PIEZO2: variants seen among roughly 807,000 people sequenced by gnomAD.
PIEZO2 encodes piezo-type mechanosensitive ion channel component 2.
PIEZO2 carries 172 observed loss-of-function variants against 337.3 expected under a neutral mutation model. The ratio of observed to expected loss-of-function variants is 0.51; its 90% CI spans 0.45 to 0.58. The LOEUF is 0.58. Among genes scored for constraint, PIEZO2 ranks in the 20% least tolerant of loss-of-function variants. The pLI is 0.00. For missense variants in PIEZO2, 3,028 were observed against 3,391.3 expected, an observed-to-expected ratio of 0.89 and a Z score of 2.66; for synonymous variants, 1,251 against 1,228.5, an observed-to-expected ratio of 1.02 and a Z score of -0.38.
intron 7 of PIEZO2, among the ~76,000 whole-genome samples, chr18:10,838,067 T>C (rs1046942419): frequency 7.2e-5 from 11 of 152,178 alleles, no homozygotes; most frequent in Admixed American, 5.2e-4. Context: ...TCCTCCATGT[T>C]ACACAAGCGT....
chr18:10,862,011 C>T lies in PIEZO2; in HGVS notation c.493-4800G>A, dbSNP rs527726924. Among the ~76,000 whole-genome samples the T allele has an allele frequency of 1.7e-4, 25 of 148,106 alleles. No individual in the cohort carries two copies. The highest frequency in any genetic ancestry group is 1.1e-3 in the South Asian group (5 of 4,760). On this transcript the variant is annotated intron_variant, in intron 5 of 55. Transcript: ENST00000674853. This position sits in a 1 kb window ranked among gnomAD's most constrained non-coding sequence, Gnocchi z 4.4. ...CCAGCCTAGGTGACAGAATGAGACT[C>T]AATCTCAAAAAAAAAATTAATAAAT...
At chr18:10,924,695 T>C (rs1369694880) in intron 3 of PIEZO2, among the ~76,000 whole-genome samples, 2 of 152,248 alleles carry the variant, frequency 1.3e-5, no homozygotes, top group Non-Finnish European at 2.9e-5. Flanking sequence ...TTCATTTTTC[T>C]TATTTGCCAT....
rs145216692 is a variant in PIEZO2, at chr18:10,901,310, C to T, written c.329+9876G>A. ...GAGACCCTCAGGGTTTTCTTTGAGCCTCAGGATTTTCTCTCTGGGCTTTCT... is the reference window on the plus strand; with the variant it reads ...GAGACCCTCAGGGTTTTCTTTGAGCTTCAGGATTTTCTCTCTGGGCTTTCT... On this transcript the variant is annotated intron_variant, in intron 4 of 55. Coordinates refer to ENST00000674853, the MANE Select transcript of PIEZO2 (RefSeq NM_001378183.1). 5.0e-3 allele frequency among the ~76,000 whole-genome samples: 760 copies of T among 152,226 alleles called. 5 individuals are homozygous for T. Among genetic ancestry groups the T allele is most frequent in the African/African-American group, 0.016 (670 of 41,522 alleles).
chr18:10,750,467 T>C lies in PIEZO2; in HGVS notation c.4168-280A>G, dbSNP rs1051763821. 6.6e-6 allele frequency among the ~76,000 whole-genome samples: 1 copy of C among 152,226 alleles called. No individual in the cohort carries two copies. On this transcript the variant is annotated intron_variant, in intron 28 of 55. Coordinates refer to ENST00000674853, the MANE Select transcript of PIEZO2 (RefSeq NM_001378183.1). This position sits in a 1 kb window ranked among gnomAD's most constrained non-coding sequence, Gnocchi z 4.1. ...ATCAAGAAGAAATCTTGGACGATCA[T>C]AGAAATAAATCCCAACTCTGTGATA...
chr18:11,082,714 T>C (rs1316341243), intron 1 of PIEZO2, among the ~76,000 whole-genome samples: 1 of 152,252 alleles, frequency 6.6e-6, no homozygotes, highest in East Asian at 1.9e-4. Flanking sequence ...TATATGTGTG[T>C]ATGTGTGAGT....
intron 7 of PIEZO2, among the ~76,000 whole-genome samples, chr18:10,851,043 G>A (rs989733294): frequency 1.3e-5 from 2 of 152,094 alleles, no homozygotes; most frequent in African/African-American, 2.4e-5. Flanking sequence ...AGAAGGGCTG[G>A]AGTCTCCGTG....
At position 10,973,179 on chromosome 18, in the gene PIEZO2, C is replaced by T. The variant is rs538593495; in HGVS notation, c.286+6356G>A. Among the ~76,000 whole-genome samples, 1 of 152,200 alleles carries T rather than the reference C, an allele frequency of 6.6e-6. No individual in the cohort carries two copies. Among genetic ancestry groups the T allele is most frequent in the Non-Finnish European group, 1.5e-5 (1 of 68,032 alleles). ...CTAAAGGTGAATCAAAATATCAACA[C>T]GGCATTGGCCTAAGGGTTGTTCATA... On this transcript the variant is annotated intron_variant, in intron 3 of 55. Coordinates refer to ENST00000674853, the MANE Select transcript of PIEZO2 (RefSeq NM_001378183.1). The surrounding 1 kb of genome is among the most constrained non-coding windows in gnomAD (Gnocchi z 4.9).
intron 4 of PIEZO2, among the ~76,000 whole-genome samples, chr18:10,875,366 C>T (rs774776970): frequency 1.3e-5 from 2 of 151,836 alleles, no homozygotes; most frequent in Non-Finnish European, 2.9e-5. Flanking sequence ...GTCTACCTAA[C>T]ATGATTGAAA....
chr18:10,940,354 T>C lies in PIEZO2; in HGVS notation c.287-29126A>G, dbSNP rs766698591. On this transcript the variant is annotated intron_variant, in intron 3 of 55. Coordinates refer to ENST00000674853, the MANE Select transcript of PIEZO2 (RefSeq NM_001378183.1). This position sits in a 1 kb window ranked among gnomAD's most constrained non-coding sequence, Gnocchi z 5.3. ...GTTAAGTACAGTGATTCTGTAAAAG[T>C]ACTGGGTCTAGATACTGATTTCACA... Among the ~76,000 whole-genome samples, 15 of 152,178 alleles carry C rather than the reference T, an allele frequency of 9.9e-5. No individual in the cohort carries two copies. The highest frequency in any genetic ancestry group is 1.8e-4 in the Non-Finnish European group (12 of 68,028).
In PIEZO2 at chr18:10,859,683, A is replaced by C. The variant is rs2041822263; in HGVS notation, c.493-2472T>G. On this transcript the variant is annotated intron_variant, in intron 5 of 55. Transcript: ENST00000674853. This position sits in a 1 kb window ranked among gnomAD's most constrained non-coding sequence, Gnocchi z 4.9. ...CACTCCAGCAGAGTGGGCTGGACTC[A>C]CCATTCCATTTAGAGTAAAAATGCT... 6.6e-6 allele frequency among the ~76,000 whole-genome samples: 1 copy of C among 152,212 alleles called. No individual in the cohort carries two copies. Among genetic ancestry groups the C allele is most frequent in the African/African-American group, 2.4e-5 (1 of 41,462 alleles).
intron 4 of PIEZO2, among the ~76,000 whole-genome samples, chr18:10,885,990 A>G (rs763484292): frequency 1.6e-4 from 24 of 152,110 alleles, no homozygotes; most frequent in Non-Finnish European, 2.8e-4. Context: ...GCAAAGAATC[A>G]AGAAGAAAAT....
At chr18:10,838,539 A>G (rs2041091719) in intron 7 of PIEZO2, among the ~76,000 whole-genome samples, 1 of 152,252 alleles carries the variant, frequency 6.6e-6, no homozygotes, top group African/African-American at 2.4e-5. Flanking sequence ...GCCTTATAAT[A>G]AAAAGCAATC....
chr18:10,942,240 G>A lies in PIEZO2; in HGVS notation c.287-31012C>T, dbSNP rs1408680057. Reference sequence around the variant, plus strand: ...AAAAGATATCCCAAAATGTGAAAGCGATTTTGGAACTGGGTAACATGCAGA... The same window carrying A: ...AAAAGATATCCCAAAATGTGAAAGCAATTTTGGAACTGGGTAACATGCAGA... On this transcript the variant is annotated intron_variant, in intron 3 of 55. Coordinates refer to ENST00000674853, the MANE Select transcript of PIEZO2 (RefSeq NM_001378183.1). The surrounding 1 kb of genome is among the most constrained non-coding windows in gnomAD (Gnocchi z 4.4). 6.6e-6 allele frequency among the ~76,000 whole-genome samples: 1 copy of A among 152,184 alleles called. No homozygotes were observed. Among genetic ancestry groups the A allele is most frequent in the Non-Finnish European group, 1.5e-5 (1 of 68,032 alleles).
rs150963087 is a variant in PIEZO2 at position 10,881,976 on chromosome 18, C to A, written c.330-10561G>T. Among the ~76,000 whole-genome samples the A allele has an allele frequency of 5.9e-5, 9 of 152,316 alleles. No homozygotes were observed. In the East Asian group the frequency reaches 1.7e-3, roughly 29 times the overall value. On this transcript the variant is annotated intron_variant, in intron 4 of 55. Transcript: ENST00000674853. ...CATCATCCCAGGACAGTGACAGAGT[C>A]ATTCCAACATCCAGATCTCTGCTGA...
At chr18:10,987,887 A>G (rs1290581596) in intron 2 of PIEZO2, among the ~76,000 whole-genome samples, 1 of 152,190 alleles carries the variant, frequency 6.6e-6, no homozygotes, top group Non-Finnish European at 1.5e-5. Flanking sequence ...GGACCTGAAT[A>G]GATATTTCTC....
At chr18:10,812,572 G>C (rs905407252) in intron 7 of PIEZO2, among the ~76,000 whole-genome samples, 2 of 152,030 alleles carry the variant, frequency 1.3e-5, no homozygotes, top group Non-Finnish European at 2.9e-5. Context: ...AGAGGACATC[G>C]CGACATCAGG....
At chr18:10,881,527 G>A (rs1341752474) in intron 4 of PIEZO2, among the ~76,000 whole-genome samples, 1 of 152,166 alleles carries the variant, frequency 6.6e-6, no homozygotes, top group Non-Finnish European at 1.5e-5. Flanking sequence ...TCAGGAGTTT[G>A]CTGAAACTGC....
rs539300791 is a variant in PIEZO2, at chr18:10,792,749, T to C, written c.1759-1425A>G. ...TGCTATGAACATTCACATACAAGTT[T>C]TTGTGTGGACAGATGGTTTCAATCC... On this transcript the variant is annotated intron_variant, in intron 13 of 55. Transcript: ENST00000674853. Among the ~76,000 whole-genome samples the C allele has an allele frequency of 4.5e-4, 68 of 152,316 alleles. 1 individual carries two copies. Among genetic ancestry groups the C allele is most frequent in the African/African-American group, 1.5e-3 (62 of 41,572 alleles).
intron 7 of PIEZO2, among the ~76,000 whole-genome samples, chr18:10,831,823 A>G (rs2144542669): frequency 6.6e-6 from 1 of 152,318 alleles, no homozygotes; most frequent in East Asian, 1.9e-4. Context: ...AAATGTTTAA[A>G]TGACATTCCA....
Sources: gnomAD v4.1 joint callset for allele counts (sites outside exome capture counted in the v4.1 genomes callset) on GRCh38, gnomAD v4.1.1 for gene constraint, Gnocchi (gnomAD v3.1) non-coding constraint, MANE v1.5 for transcripts, NCBI Gene and HGNC (gene_info 2026-07-23, HGNC 2026-07-21) for gene names.